RBFOX3: variants seen among roughly 807,000 people sequenced by gnomAD.
RBFOX3 encodes the protein RNA binding protein fox-1 homolog 3.
RBFOX3 carries 17 observed loss-of-function variants against 48.7 expected under a neutral mutation model. That is an observed-to-expected ratio of 0.35 (90% CI 0.24 to 0.52). RBFOX3 has a LOEUF of 0.52. RBFOX3 is among the 20% of genes least tolerant of loss of function. RBFOX3 has a pLI of 0.94. For synonymous variants in RBFOX3, 212 were observed against 209.5 expected, an observed-to-expected ratio of 1.01 and a Z score of -0.10; for missense variants, 382 against 497.5, an observed-to-expected ratio of 0.77 and a Z score of 2.21.
chr17:79,175,880 G>A (rs12600665), intron 4 of RBFOX3, among the ~76,000 whole-genome samples: 46,253 of 152,102 alleles, frequency 0.3, 7,396 homozygotes, highest in East Asian at 0.43. Context: ...AGACACAGAC[G>A]CCCCGGCTGG....
rs535358720 is a variant in RBFOX3, at chr17:79,179,992, T to C, written c.-34+55774A>G. Among the ~76,000 whole-genome samples, 164 of 152,300 alleles carry C rather than the reference T, an allele frequency of 1.1e-3. 2 individuals carry two copies. The highest frequency in any genetic ancestry group is 3.8e-3 in the African/African-American group (156 of 41,558). ...GTGGGCAGGAAAGCTTCAAAGGGCA[T>C]GAAGTGAGTGTGGCCCAGGGTCACC... On this transcript the variant is annotated intron_variant, in intron 4 of 14. Coordinates refer to ENST00000693108, the MANE Select transcript of RBFOX3 (RefSeq NM_001350451.2).
intron 4 of RBFOX3, among the ~76,000 whole-genome samples, chr17:79,158,958 G>A (rs1019262328): frequency 6.6e-6 from 1 of 152,298 alleles, no homozygotes; most frequent in Admixed American, 6.5e-5. Flanking sequence ...AGCCCCAACC[G>A]ACACTGCTTG....
chr17:79,306,921 C>T (rs1014612371), intron 3 of RBFOX3, among the ~76,000 whole-genome samples: 4 of 152,210 alleles, frequency 2.6e-5, no homozygotes, highest in Non-Finnish European at 2.9e-5. Context: ...GTCTGGGGCC[C>T]GACATCCACG....
intron 4 of RBFOX3, among the ~76,000 whole-genome samples, chr17:79,187,904 A>G (rs1567809444): frequency 6.6e-6 from 1 of 152,014 alleles, no homozygotes; most frequent in Non-Finnish European, 1.5e-5. Context: ...CCATGGGGCA[A>G]GGTCAGCTTG....
intron 3 of RBFOX3, among the ~76,000 whole-genome samples, chr17:79,280,148 C>T (rs112607544): frequency 5.9e-5 from 7 of 117,774 alleles, no homozygotes; most frequent in East Asian, 7.2e-4. Flanking sequence ...CACACATGTG[C>T]GTGCACACAC....
intron 4 of RBFOX3, among the ~76,000 whole-genome samples, chr17:79,192,303 T>C (rs1193064189): frequency 6.6e-6 from 1 of 152,164 alleles, no homozygotes; most frequent in African/African-American, 2.4e-5. Flanking sequence ...TGAGAGTTGC[T>C]GCATCAGGAT....
At chr17:79,498,638 C>T (rs1225607111) in intron 1 of RBFOX3, among the ~76,000 whole-genome samples, 1 of 151,424 alleles carries the variant, frequency 6.6e-6, no homozygotes, top group Non-Finnish European at 1.5e-5. Flanking sequence ...ATCCATAAGC[C>T]TACCCATCCA....
rs1469263076 is a variant in RBFOX3 at position 79,092,989 on chromosome 17, GCACCC to G, written c.1077+1457_1077+1461del. Among the ~76,000 whole-genome samples the G allele has an allele frequency of 6.6e-4, 100 of 152,230 alleles. 1 individual carries two copies. The highest frequency in any genetic ancestry group is 2.4e-3 in the African/African-American group (98 of 41,506). On this transcript the variant is annotated intron_variant, in intron 14 of 14. Coordinates refer to ENST00000693108, the MANE Select transcript of RBFOX3 (RefSeq NM_001350451.2). ...GTCCCAGCTTGAGCCCCACCTCCTCGCACCCCAGCAGGGTGGCACGGGGCATCTTC... is the reference window on the plus strand; with the variant it reads ...GTCCCAGCTTGAGCCCCACCTCCTCGCAGCAGGGTGGCACGGGGCATCTTC...
At chr17:79,632,786 C>T in the RBFOX3 span, among the ~76,000 whole-genome samples, 1 of 150,722 alleles carries the variant, frequency 6.6e-6, no homozygotes, top group Non-Finnish European at 1.5e-5. Context: ...ATGGTGCACA[C>T]CTGTGGTTCC....
chr17:79,130,977 G>A (rs1159246556), intron 4 of RBFOX3, among the ~76,000 whole-genome samples: 1 of 152,256 alleles, frequency 6.6e-6, no homozygotes, highest in South Asian at 2.1e-4. Context: ...CGTGCCCTGC[G>A]TGTGCCCCAT....
rs1368467541 is a variant in RBFOX3 at position 79,392,244 on chromosome 17, G to A, written c.-174-84420C>T. ...GTTAGTTATGCCAACGATTGTTCCA[G>A]AATCCAAACTCACACAGCAGAGAGA... On this transcript the variant is annotated intron_variant, in intron 2 of 14. Transcript: ENST00000693108. The surrounding 1 kb of genome is among the most constrained non-coding windows in gnomAD (Gnocchi z 5.0). 1.3e-5 allele frequency among the ~76,000 whole-genome samples: 2 copies of A among 152,188 alleles called. No individual in the cohort carries two copies. The highest frequency in any genetic ancestry group is 4.8e-5 in the African/African-American group (2 of 41,448).
rs975149219 is a variant in RBFOX3 at position 79,175,635 on chromosome 17, G to A, written c.-33-59887C>T. Among the ~76,000 whole-genome samples the A allele has an allele frequency of 2.0e-5, 3 of 152,346 alleles. No homozygotes were observed. The East Asian group carries it at 5.8e-4, about 29-fold the overall frequency. On this transcript the variant is annotated intron_variant, in intron 4 of 14. Coordinates refer to ENST00000693108, the MANE Select transcript of RBFOX3 (RefSeq NM_001350451.2). ...CCTGCCCCGCTGCCCTGGCTCCCCA[G>A]TGCTCCCTGGACGAGCTCCCCAGGG...
At chr17:79,435,659 C>T (rs1315450626) in intron 2 of RBFOX3, among the ~76,000 whole-genome samples, 2 of 152,230 alleles carry the variant, frequency 1.3e-5, no homozygotes, top group Non-Finnish European at 2.9e-5. Flanking sequence ...CAGGCCCGGG[C>T]CCCTGGGCCC....
At chr17:79,216,516 G>C (rs2059074718) in intron 4 of RBFOX3, among the ~76,000 whole-genome samples, 1 of 152,138 alleles carries the variant, frequency 6.6e-6, no homozygotes, top group Admixed American at 6.5e-5. Flanking sequence ...GCAGGAGTGA[G>C]AGGAGGGAGA....
chr17:79,449,861 C>T (rs1449757675), intron 2 of RBFOX3, among the ~76,000 whole-genome samples: 1 of 152,172 alleles, frequency 6.6e-6, no homozygotes, highest in African/African-American at 2.4e-5. Context: ...GGGTGGCTGG[C>T]CCCCTCCTGG....
chr17:79,109,128 G>A (rs2078007576), intron 5 of RBFOX3, among the ~76,000 whole-genome samples: 2 of 152,192 alleles, frequency 1.3e-5, no homozygotes, highest in Non-Finnish European at 2.9e-5. Flanking sequence ...GAGGCTCCGG[G>A]TGGATCCTGC....
rs930582564 is a variant in RBFOX3, at chr17:79,511,823, G to A, written c.-319-29225C>T. Among the ~76,000 whole-genome samples, 587 of 143,018 alleles carry A rather than the reference G, an allele frequency of 4.1e-3. 2 individuals are homozygous for A. Among genetic ancestry groups the A allele is most frequent in the Middle Eastern group, 0.022 (5 of 228 alleles). The allele number at this position is 143,018 out of a possible 152,430, so 93.8% of individuals were successfully genotyped here. A position where few individuals can be genotyped will look rare whatever the true frequency, so the allele number is the denominator to read the frequency against. On this transcript the variant is annotated intron_variant, in intron 1 of 14. Coordinates refer to ENST00000693108, the MANE Select transcript of RBFOX3 (RefSeq NM_001350451.2). Reference sequence around the variant, plus strand: ...CCCCATGGCCAGGAGACACACATCCGGATACACGTTACCATCGGGTACAGC... The same window carrying A: ...CCCCATGGCCAGGAGACACACATCCAGATACACGTTACCATCGGGTACAGC...
chr17:79,615,033 G>T (rs1051839811), upstream of RBFOX3, among the ~76,000 whole-genome samples: 18 of 151,194 alleles, frequency 1.2e-4, no homozygotes, highest in Non-Finnish European at 2.6e-4. Context: ...TCATATCAAG[G>T]CACATTATCT....
chr17:79,476,373 T>C lies in RBFOX3; in HGVS notation c.-175+6081A>G, dbSNP rs797032913. ...GAAAAATATTGGCCCGTTTTTCTAT[T>C]TTTTTAAAAAATGTCACACCAGTGC... On this transcript the variant is annotated intron_variant, in intron 2 of 14. Transcript: ENST00000693108. Among the ~76,000 whole-genome samples, 162 of 152,354 alleles carry C rather than the reference T, an allele frequency of 1.1e-3. 1 individual carries two copies. The highest frequency in any genetic ancestry group is 3.7e-3 in the African/African-American group (155 of 41,574).
Sources: allele counts gnomAD v4.1 joint callset (sites outside exome capture counted in the v4.1 genomes callset), GRCh38; gene constraint gnomAD v4.1.1; non-coding constraint Gnocchi (gnomAD v3.1); transcripts MANE v1.5; gene names NCBI Gene and HGNC (gene_info 2026-07-23, HGNC 2026-07-21).